Variants in IQSEC2 observed in about 807,000 individuals in gnomAD.
The protein encoded by IQSEC2 is IQ motif and Sec7 domain ArfGEF 2, also known as IQ motif and SEC7 domain-containing protein 2.
A neutral mutation model predicts 74.6 loss-of-function variants in IQSEC2; 6 were observed. The ratio of observed to expected loss-of-function variants is 0.08; its 90% CI spans 0.04 to 0.16. The LOEUF is 0.16. Among genes scored for constraint, IQSEC2 ranks in the 10% least tolerant of loss-of-function variants. The pLI, the probability that IQSEC2 is intolerant of heterozygous loss-of-function variation, is 1.00. For missense variants in IQSEC2, 734 were observed against 1,306.2 expected (o/e 0.56, Z 6.75); for synonymous variants, 494 against 544.5 (o/e 0.91, Z 1.29).
At chrX:53,264,941 C>A (rs868935659) in intron 2 of IQSEC2, among the ~76,000 whole-genome samples, 2 of 98,046 alleles carry the variant, frequency 2.0e-5, no homozygotes, top group Non-Finnish European at 4.3e-5. Context: ...AAAAAAAAAT[C>A]TTTTTGTAGA....
intron 1 of IQSEC2, among the ~76,000 whole-genome samples, chrX:53,304,059 C>T (rs781987154): frequency 1.9e-5 from 2 of 107,911 alleles, no homozygotes; most frequent in East Asian, 5.9e-4. Context: ...TGTTTGAATC[C>T]GGGAGGTGGA....
rs782548017 is a variant in IQSEC2 at position 53,241,303 on chromosome X, G to A, written c.3015+481C>T. On this transcript the variant is annotated intron_variant, in intron 10 of 14. Transcript: ENST00000642864. ...GTATTTTTTGTGGAGACAGGGTTTC[G>A]ACATGTTGCCCAAGCTGGTCTCAAA... 7.3e-5 allele frequency among the ~76,000 whole-genome samples: 8 copies of A among 110,011 alleles called. No homozygotes were observed. In the East Asian group the frequency reaches 2.0e-3, roughly 28 times the overall value.
chrX:53,259,617 A>G (rs1406053999), intron 2 of IQSEC2, among the ~76,000 whole-genome samples: 1 of 110,496 alleles, frequency 9.1e-6, no homozygotes, highest in Non-Finnish European at 1.9e-5. Context: ...CCTGGGCAAC[A>G]TAGGGAGACC....
At chrX:53,237,444 CTCTG>C (rs1206899628) in intron 12 of IQSEC2, 10 of 113,536 alleles carry the variant, frequency 8.8e-5, no homozygotes, top group African/African-American at 3.2e-4. Context: ...GCCGCCTCGT[CTCTG>C]TCTGCCTGCC....
intron 13 of IQSEC2, among the ~76,000 whole-genome samples, 173 bp downstream of exon 13, chrX:53,236,149 C>T (rs1556859601): frequency 8.9e-6 from 1 of 112,601 alleles, no homozygotes; most frequent in Non-Finnish European, 1.9e-5. Flanking sequence ...TGGGCTCCCC[C>T]TGCTCTGACC....
At chrX:53,272,355 C>T (rs1450494800) in intron 2 of IQSEC2, among the ~76,000 whole-genome samples, 1 of 111,642 alleles carries the variant, frequency 9.0e-6, no homozygotes, top group Admixed American at 9.5e-5. Flanking sequence ...CTACTCTTTC[C>T]TGAGTACCCA....
chrX:53,243,570 T>A lies in IQSEC2; in HGVS notation c.2750-99A>T, dbSNP rs997907518. The A allele has an allele frequency of 1.0e-5, 11 of 1,059,775 alleles. No homozygotes were observed. In the East Asian group the frequency reaches 3.1e-4, roughly 30 times the overall value. The allele number at this position is 1,059,775 out of a possible 1,213,427, so 87.3% of individuals were successfully genotyped here. A position where few individuals can be genotyped will look rare whatever the true frequency, so the allele number is the denominator to read the frequency against. On this transcript the variant is annotated intron_variant, in intron 8 of 14. Coordinates refer to ENST00000642864, the MANE Select transcript of IQSEC2 (RefSeq NM_001111125.3). The stretch of plus-strand genomic sequence containing the variant: ...CACACCCAGGCACGGGCCACGATAG[T>A]CAGGACTGAGGGTCAATGGGTACCC...
chrX:53,312,683 T>C (rs1181320964), intron 1 of IQSEC2, among the ~76,000 whole-genome samples: 1 of 112,361 alleles, frequency 8.9e-6, no homozygotes, highest in East Asian at 2.8e-4. Flanking sequence ...ATGAGATGGG[T>C]TGTTTATGAA....
chrX:53,293,040 G>A, intron 1 of IQSEC2, among the ~76,000 whole-genome samples: 1 of 112,235 alleles, frequency 8.9e-6, no homozygotes, highest in East Asian at 2.8e-4. Context: ...GCCAAGACGT[G>A]GCTTTAGTGA....
intron 2 of IQSEC2, among the ~76,000 whole-genome samples, chrX:53,261,079 G>C (rs1284453625): frequency 9.0e-6 from 1 of 111,178 alleles, no homozygotes; most frequent in Non-Finnish European, 1.9e-5. Context: ...AAAAAAAGGA[G>C]GGTGCTTGAC....
rs782229265 is a variant in IQSEC2 at position 53,267,359 on chromosome X, TATA to T, written c.738-11301_738-11299del. Among the ~76,000 whole-genome samples the T allele has an allele frequency of 4.7e-4, 53 of 112,308 alleles. No individual in the cohort carries two copies. The South Asian group carries it at 9.2e-3, about 20-fold the overall frequency. On this transcript the variant is annotated intron_variant, in intron 2 of 14. Coordinates refer to ENST00000642864, the MANE Select transcript of IQSEC2 (RefSeq NM_001111125.3). ...GCCAGGTGCCTGACCCTCATTTTAA[TATA>T]ATAACAGCAACCTGCTCTCATTTTG...
intron 2 of IQSEC2, among the ~76,000 whole-genome samples, chrX:53,273,148 T>A (rs2074769794): frequency 9.2e-6 from 1 of 109,188 alleles, no homozygotes; most frequent in African/African-American, 3.3e-5. Context: ...TCATCCTGCT[T>A]GGAAGGGCCA....
intron 1 of IQSEC2, among the ~76,000 whole-genome samples, chrX:53,297,945 CA>C (rs2075170516): frequency 9.0e-6 from 1 of 110,991 alleles, no homozygotes; most frequent in African/African-American, 3.3e-5. Context: ...GCCTGGCCAA[CA>C]TGGTGAAACC....
At position 53,240,402 on chromosome X, in the gene IQSEC2, G is replaced by A. The variant is rs138837694; in HGVS notation, c.3016-1108C>T. The stretch of plus-strand genomic sequence containing the variant: ...TCCAGCCCCAAATGTCAACAGTGAT[G>A]AGACTGAGAAACCCTGCTCTAAAGG... On this transcript the variant is annotated intron_variant, in intron 10 of 14. Transcript: ENST00000642864. 3.1e-3 allele frequency among the ~76,000 whole-genome samples: 354 copies of A among 112,527 alleles called. 3 individuals carry two copies. The highest frequency in any genetic ancestry group is 5.1e-3 in the Non-Finnish European group (272 of 53,276).
chrX:53,255,655 G>T, intron 3 of IQSEC2, 145 bp downstream of exon 3: 1 of 666,219 alleles, frequency 1.5e-6, no homozygotes, highest in East Asian at 3.4e-5. Context: ...CATCCCCAGT[G>T]GGGTGAAGGG....
intron 10 of IQSEC2, chrX:53,239,518 T>A: frequency 2.7e-6 from 1 of 375,324 alleles, no homozygotes; most frequent in Non-Finnish European, 4.7e-6. Flanking sequence ...CACAGACATT[T>A]ACCACATTTC....
intron 2 of IQSEC2, among the ~76,000 whole-genome samples, chrX:53,288,679 A>G (rs992743995): frequency 3.6e-5 from 4 of 111,734 alleles, no homozygotes; most frequent in Non-Finnish European, 7.5e-5. Context: ...TTGCACCACT[A>G]TTTCACACCA....
At chrX:53,296,851 C>T (rs1395765636) in intron 1 of IQSEC2, among the ~76,000 whole-genome samples, 3 of 111,715 alleles carry the variant, frequency 2.7e-5, no homozygotes, top group Non-Finnish European at 3.8e-5. Flanking sequence ...TGTGAGCCAC[C>T]GTACCCAGCC....
At chrX:53,295,561 A>G (rs112737039) in intron 1 of IQSEC2, among the ~76,000 whole-genome samples, 23,267 of 93,272 alleles carry the variant, frequency 0.25, 4,903 homozygotes, top group African/African-American at 0.65. Context: ...CCGAGATTGC[A>G]CCACTGCACT....
Sources: allele counts gnomAD v4.1 joint callset (sites outside exome capture counted in the v4.1 genomes callset), GRCh38; gene constraint gnomAD v4.1.1; transcripts MANE v1.5; gene names NCBI Gene and HGNC (gene_info 2026-07-23, HGNC 2026-07-21).